The following DPY19L4 variants were observed in gnomAD, a reference collection of about 807,000 sequenced individuals.
The protein encoded by DPY19L4 is dpy-19 like 4, also known as probable C-mannosyltransferase DPY19L4.
DPY19L4 carries 97 observed loss-of-function variants against 102.8 expected under a neutral mutation model. That is an observed-to-expected ratio of 0.94 (90% CI 0.80 to 1.12). DPY19L4 has a LOEUF of 1.12. Ranked by LOEUF, DPY19L4 falls within the 50% of genes most tolerant of loss-of-function variation. The probability of loss-of-function intolerance (pLI) is 0.00; values close to 1 mark genes in which losing one functional copy is unlikely to be tolerated. For synonymous variants in DPY19L4, 252 were observed against 283.1 expected (o/e 0.89, Z 1.10); for missense variants, 815 against 850.4 (o/e 0.96, Z 0.52).
rs1274766241 is a variant in DPY19L4 at position 94,768,435 on chromosome 8, C to T, written c.1216C>T (p.Gln406Ter). ...MNWLLCQESL[Q>*]APSQDFFLRL... ...TTGGCTCCTCTGTCAAGAATCCCTG[C>T]AGGCACCATCTCAAGATTTTTTTCT... The change falls in exon 12 of 19, where the codon CAG (glutamine) becomes TAG (stop). Residue 406 changes from glutamine to a stop codon, truncating the protein, a stop_gained. Transcript: ENST00000414645. LOFTEE classifies it high-confidence loss of function. 3.7e-6 allele frequency: 6 copies of T among 1,609,394 alleles called. No homozygotes were observed. Among genetic ancestry groups the T allele is most frequent in the East Asian group, 2.2e-5 (1 of 44,670 alleles).
At chr8:94,747,895 A>G (rs968717197) in intron 6 of DPY19L4, among the ~76,000 whole-genome samples, 10 of 151,730 alleles carry the variant, frequency 6.6e-5, no homozygotes, top group African/African-American at 2.4e-4. Flanking sequence ...AAATGAAGAC[A>G]CGAAATTAAA....
chr8:94,789,316 G>A (rs896625597), intron 18 of DPY19L4, among the ~76,000 whole-genome samples: 3 of 151,956 alleles, frequency 2.0e-5, no homozygotes, highest in Non-Finnish European at 4.4e-5. Context: ...AACATCATTC[G>A]GTGAAATTGT....
In DPY19L4 at chr8:94,787,998, G is replaced by A; in HGVS notation, c.1953G>A (p.Val651=). 1.3e-6 allele frequency: 2 copies of A among 1,515,908 alleles called. No individual in the cohort carries two copies. Among genetic ancestry groups the A allele is most frequent in the Non-Finnish European group, 1.8e-6 (2 of 1,133,504 alleles). The allele number at this position is 1,515,908 out of a possible 1,614,324, so 93.9% of individuals were successfully genotyped here. A position where few individuals can be genotyped will look rare whatever the true frequency, so the allele number is the denominator to read the frequency against. The change falls in exon 18 of 19, where the codon GTG becomes GTA. Residue 651 remains valine (V), a synonymous_variant. Transcript: ENST00000414645. ...TAGAGGATGCTATCTGCAATGAGGT[G>A]GGACCCATGAGAGGCTGTAGGGTTA... The part of the protein sequence containing the change: ...LIVEDAICNE[V]GPMRGCRVKD...
At position 94,719,922 on chromosome 8, in the gene DPY19L4, A is replaced by AG. The variant is rs1810374364; in HGVS notation, c.-73dup. ...GCCAGGAGCGGGCCCCCGGAGGCCG[A>AG]GGGGTTCGGCGACGCGGAGGGAGGG... On this transcript the variant is annotated 5_prime_UTR_variant, in exon 1 of 19. Transcript: ENST00000414645. 1.4e-6 allele frequency: 2 copies of AG among 1,428,006 alleles called. No homozygotes were observed. Among genetic ancestry groups the AG allele is most frequent in the African/African-American group, 1.5e-5 (1 of 66,940 alleles). 88.5% of individuals were successfully genotyped at this position (1,428,006 alleles called of 1,614,324 possible). A position where few individuals can be genotyped will look rare whatever the true frequency, so the allele number is the denominator to read the frequency against.
chr8:94,760,706 GTCATT>G (rs2130873882), intron 7 of DPY19L4, among the ~76,000 whole-genome samples: 1 of 152,240 alleles, frequency 6.6e-6, no homozygotes, highest in East Asian at 1.9e-4. Flanking sequence ...TCTGAGCAAG[GTCATT>G]TGACACTACA....
Position 94,787,933 on chromosome 8 carries a change from T to A in DPY19L4, c.1888T>A (p.Tyr630Asn), listed in dbSNP as rs1813723377. 7 of 1,474,256 alleles carry A rather than the reference T, an allele frequency of 4.7e-6. No homozygotes were observed. The highest frequency in any genetic ancestry group is 6.3e-6 in the Non-Finnish European group (7 of 1,109,838). The allele number at this position is 1,474,256 out of a possible 1,614,324, so 91.3% of individuals were successfully genotyped here. A position where few individuals can be genotyped will look rare whatever the true frequency, so the allele number is the denominator to read the frequency against. The change falls in exon 18 of 19, where the codon TAT becomes AAT. Residue 630 changes from tyrosine (Y) to asparagine (N), a missense_variant. Coordinates refer to ENST00000414645, the MANE Select transcript of DPY19L4 (RefSeq NM_181787.3). ...IYSKRSAEDI[Y>N]KILTSYKANY... ...TTCAAAGCGATCTGCTGAGGATATTTATAAAATACTGACATCTTACAAAGC... is the reference window on the plus strand; with the variant it reads ...TTCAAAGCGATCTGCTGAGGATATTAATAAAATACTGACATCTTACAAAGC...
chr8:94,783,872 T>C, intron 17 of DPY19L4, 70 bp downstream of exon 17: 2 of 1,538,172 alleles, frequency 1.3e-6, no homozygotes, highest in Non-Finnish European at 1.8e-6. Context: ...GTCTGCAGTA[T>C]ACATATGCTT....
chr8:94,769,010 T>TAAA (rs527976884), intron 12 of DPY19L4, among the ~76,000 whole-genome samples: 1,487 of 124,888 alleles, frequency 0.012, 30 homozygotes, highest in African/African-American at 0.041. Context: ...ACTCCCTCTC[T>TAAA]AAAAAAAAAA....
intron 13 of DPY19L4, among the ~76,000 whole-genome samples, chr8:94,775,232 C>T (rs1281122816): frequency 6.6e-6 from 1 of 151,060 alleles, no homozygotes; most frequent in Non-Finnish European, 1.5e-5. Context: ...AGGCTGGAGG[C>T]GCCATCTCGA....
intron 14 of DPY19L4, among the ~76,000 whole-genome samples, chr8:94,780,070 G>A (rs10100860): frequency 0.83 from 126,256 of 152,066 alleles, 52,846 homozygotes; most frequent in East Asian, 0.96. Context: ...AATTTTTCAA[G>A]TATCCACTTG....
chr8:94,787,053 T>G (rs1000069017), intron 17 of DPY19L4, among the ~76,000 whole-genome samples: 2 of 152,162 alleles, frequency 1.3e-5, no homozygotes, highest in Admixed American at 6.5e-5. Context: ...CCAGGAATGC[T>G]GATCTACATT....
intron 6 of DPY19L4, among the ~76,000 whole-genome samples, chr8:94,740,465 A>T (rs956110907): frequency 4.0e-5 from 6 of 151,398 alleles, no homozygotes; most frequent in Admixed American, 6.6e-5. Context: ...TTTGTTTTTC[A>T]TTTTTTTGAG....
chr8:94,764,610 A>C (rs115171940), intron 8 of DPY19L4, among the ~76,000 whole-genome samples: 4,304 of 138,418 alleles, frequency 0.031, 122 homozygotes, highest in African/African-American at 0.036. Flanking sequence ...GTGATAAGTT[A>C]ATTACACACT....
At chr8:94,751,048 C>T (rs557421402) in intron 6 of DPY19L4, among the ~76,000 whole-genome samples, 12 of 150,772 alleles carry the variant, frequency 8.0e-5, no homozygotes, top group Non-Finnish European at 1.2e-4. Flanking sequence ...CCCAAAGTGC[C>T]GGGATTACAG....
At position 94,780,368 on chromosome 8, in the gene DPY19L4, C is replaced by A; in HGVS notation, c.1585C>A (p.Leu529Met). The change falls in exon 15 of 19, where the codon CTG becomes ATG. Residue 529 changes from leucine to methionine, a missense_variant. Coordinates refer to ENST00000414645, the MANE Select transcript of DPY19L4 (RefSeq NM_181787.3). ...TVHPILLALI[L>M]SMAVPTIIGL... Reference sequence around the variant, plus strand: ...TGCTTTAATATTTTAGGCTCTTATTCTGAGCATGGCCGTGCCTACTATAAT... The same window carrying A: ...TGCTTTAATATTTTAGGCTCTTATTATGAGCATGGCCGTGCCTACTATAAT... 1 of 1,476,498 alleles carries A rather than the reference C, an allele frequency of 6.8e-7. No homozygotes were observed. Among genetic ancestry groups the A allele is most frequent in the Non-Finnish European group, 9.1e-7 (1 of 1,097,910 alleles). 91.5% of individuals were successfully genotyped at this position (1,476,498 alleles called of 1,614,324 possible). A position where few individuals can be genotyped will look rare whatever the true frequency, so the allele number is the denominator to read the frequency against.
At chr8:94,761,100 A>G (rs1455909325) in intron 7 of DPY19L4, among the ~76,000 whole-genome samples, 2 of 152,250 alleles carry the variant, frequency 1.3e-5, no homozygotes, top group Non-Finnish European at 2.9e-5. Flanking sequence ...GAATACCAGC[A>G]TTTAAGTTAT....
At chr8:94,753,798 G>A (rs1487013462) in intron 6 of DPY19L4, among the ~76,000 whole-genome samples, 1 of 152,134 alleles carries the variant, frequency 6.6e-6, no homozygotes, top group Non-Finnish European at 1.5e-5. Context: ...CTTGAACCTT[G>A]GGAGGTGGAG....
At chr8:94,768,587 C>G (rs781196659) in intron 12 of DPY19L4, 34 bp downstream of exon 12, 2 of 1,208,918 alleles carry the variant, frequency 1.7e-6, no homozygotes, top group Non-Finnish European at 2.3e-6. Flanking sequence ...ATATTACTAA[C>G]ATAAATTATG....
intron 17 of DPY19L4, 28 bp downstream of exon 17, chr8:94,783,830 A>T (rs1346133633): frequency 1.2e-6 from 2 of 1,612,042 alleles, no homozygotes; most frequent in African/African-American, 2.7e-5. Flanking sequence ...CTACATTTGG[A>T]TCTCTTTTCC....
Sources: allele counts gnomAD v4.1 joint callset (sites outside exome capture counted in the v4.1 genomes callset), GRCh38; gene constraint gnomAD v4.1.1; transcripts MANE v1.5; gene names NCBI Gene and HGNC (gene_info 2026-07-23, HGNC 2026-07-21).